The following RTTN variants were observed in gnomAD, a reference collection of about 807,000 sequenced individuals.
RTTN encodes rotatin.
Under a neutral mutation model 269.2 loss-of-function variants are expected in RTTN, and 182 were observed. The ratio of observed to expected loss-of-function variants is 0.68; its 90% CI spans 0.60 to 0.76. The LOEUF (loss-of-function observed/expected upper bound fraction) is 0.76. RTTN is among the 30% of genes least tolerant of loss of function. The pLI, the probability that RTTN is intolerant of heterozygous loss-of-function variation, is 0.00. For synonymous variants in RTTN, 1,006 were observed against 963.5 expected (o/e 1.04, Z -0.82); for missense variants, 2,545 against 2,608.6 (o/e 0.98, Z 0.53).
chr18:70,103,363 T>C lies in RTTN; in HGVS notation c.3903+6135A>G, dbSNP rs1379867107. On this transcript the variant is annotated intron_variant, in intron 28 of 48. Coordinates refer to ENST00000640769, the MANE Select transcript of RTTN (RefSeq NM_173630.4). Reference sequence around the variant, plus strand: ...AAAGAGAGATCAGATTGTTACTGTGTCTGTGTAGAAAGAAGTAGACATAGC... The same window carrying C: ...AAAGAGAGATCAGATTGTTACTGTGCCTGTGTAGAAAGAAGTAGACATAGC... Among the ~76,000 whole-genome samples, 5 of 152,008 alleles carry C rather than the reference T, an allele frequency of 3.3e-5. No homozygotes were observed. The East Asian group carries it at 7.7e-4, about 24-fold the overall frequency.
At chr18:70,088,169 T>C (rs200960422) in intron 30 of RTTN, 22 bp from the exon 31 acceptor site, 450 of 1,585,574 alleles carry the variant, frequency 2.8e-4, no homozygotes, top group Non-Finnish European at 3.7e-4. Context: ...AAAGAGAAAG[T>C]TGTTGAATCA....
chr18:70,054,896 A>G (rs946275051), intron 37 of RTTN, among the ~76,000 whole-genome samples: 1 of 152,178 alleles, frequency 6.6e-6, no homozygotes, highest in Non-Finnish European at 1.5e-5. Flanking sequence ...GGAAAAGTGT[A>G]TAACAAAGCC....
intron 14 of RTTN, among the ~76,000 whole-genome samples, chr18:70,159,070 T>G (rs903545290): frequency 6.6e-6 from 1 of 152,106 alleles, no homozygotes; most frequent in Non-Finnish European, 1.5e-5. Context: ...GGACCTAAAC[T>G]CGACACCTGA....
At chr18:70,089,144 G>A (rs886155078) in intron 30 of RTTN, among the ~76,000 whole-genome samples, 1 of 152,236 alleles carries the variant, frequency 6.6e-6, no homozygotes. Context: ...GCTGTGTACT[G>A]AACTGTGTCT....
chr18:70,099,757 G>A (rs283771), intron 28 of RTTN, among the ~76,000 whole-genome samples: 137,588 of 152,140 alleles, frequency 0.9, 62,977 homozygotes, highest in East Asian at 1. Flanking sequence ...TAATTTTTGT[G>A]TAAGGTGTAA....
At chr18:70,024,154 TCA>T (rs1599146167) in intron 44 of RTTN, among the ~76,000 whole-genome samples, 1 of 152,122 alleles carries the variant, frequency 6.6e-6, no homozygotes, top group Non-Finnish European at 1.5e-5. Context: ...CCTGTTACAC[TCA>T]CATAAAAATC....
chr18:70,053,656 A>G (rs1450397298), intron 38 of RTTN: 1 of 152,248 alleles, frequency 6.6e-6, no homozygotes, highest in Non-Finnish European at 1.5e-5. Context: ...CTTTGCTTTA[A>G]TTTTCTCCAC....
chr18:70,194,760 A>C (rs1239142674), intron 7 of RTTN: 1 of 152,272 alleles, frequency 6.6e-6, no homozygotes, highest in Non-Finnish European at 1.5e-5. Context: ...AATCAGAGAC[A>C]GAAAGTAAAT....
intron 7 of RTTN, among the ~76,000 whole-genome samples, chr18:70,194,918 T>C: frequency 6.6e-6 from 1 of 152,206 alleles, no homozygotes; most frequent in East Asian, 1.9e-4. Flanking sequence ...CTATATTGTA[T>C]ACTTAAAAAT....
chr18:70,046,890 C>G (rs1304519362), intron 40 of RTTN, among the ~76,000 whole-genome samples: 1 of 152,218 alleles, frequency 6.6e-6, no homozygotes, highest in Non-Finnish European at 1.5e-5. Context: ...CCCTGTGACA[C>G]TCTCCACAGG....
intron 14 of RTTN, among the ~76,000 whole-genome samples, chr18:70,158,144 G>A (rs1173817622): frequency 6.6e-6 from 1 of 151,906 alleles, no homozygotes; most frequent in Non-Finnish European, 1.5e-5. Context: ...AAGACACATA[G>A]TCATCAGATT....
intron 23 of RTTN, among the ~76,000 whole-genome samples, chr18:70,132,867 A>G (rs1332822377): frequency 4.6e-5 from 7 of 152,144 alleles, no homozygotes; most frequent in African/African-American, 1.7e-4. Context: ...TGAGTAAAAG[A>G]GTAATAAAAC....
At chr18:70,203,645 A>G (rs142491170) in intron 3 of RTTN, among the ~76,000 whole-genome samples, 1,877 of 152,338 alleles carry the variant, frequency 0.012, 23 homozygotes, top group South Asian at 0.037. Flanking sequence ...ATCATGATGG[A>G]CTGCAGCATA....
At chr18:70,118,409 T>C (rs1599638763) in intron 26 of RTTN, among the ~76,000 whole-genome samples, 1 of 151,996 alleles carries the variant, frequency 6.6e-6, no homozygotes. Flanking sequence ...ACAGAAAATC[T>C]GAACAGACCA....
intron 26 of RTTN, among the ~76,000 whole-genome samples, chr18:70,120,205 T>C (rs1243550109): frequency 9.2e-6 from 1 of 108,654 alleles, no homozygotes; most frequent in African/African-American, 2.7e-5. Flanking sequence ...ACATATACCC[T>C]GCATCACCTC....
Position 70,199,485 on chromosome 18 carries a change from G to C in RTTN, c.507C>G (p.Cys169Trp), listed in dbSNP as rs1263478497. ...GCCAAGGAAATGTAGAAAACTTCAA[G>C]CACTTCACAGTCTGATTTACTGTCA... is the stretch of plus-strand genomic sequence containing the variant. ...PRPVVNQTVK[C>W]LKFSTFPWLP... The change falls in exon 5 of 49, where the codon TGC becomes TGG. Residue 169 changes from cysteine to tryptophan, a missense_variant. Cys to Trp is a radical substitution (Grantham distance 215, BLOSUM62 -2). Coordinates refer to ENST00000640769, the MANE Select transcript of RTTN (RefSeq NM_173630.4). 1 of 1,611,524 alleles carries C rather than the reference G, an allele frequency of 6.2e-7. No homozygotes were observed. The highest frequency in any genetic ancestry group is 8.5e-7 in the Non-Finnish European group (1 of 1,178,072).
At chr18:70,103,718 AT>A (rs1219477657) in intron 28 of RTTN, among the ~76,000 whole-genome samples, 2 of 144,022 alleles carry the variant, frequency 1.4e-5, no homozygotes, top group African/African-American at 5.2e-5. Context: ...ACCCTGCCAC[AT>A]CCCCCTCTCC....
intron 43 of RTTN, among the ~76,000 whole-genome samples, chr18:70,027,296 A>G (rs900007396): frequency 6.6e-6 from 1 of 152,186 alleles, no homozygotes; most frequent in Non-Finnish European, 1.5e-5. Context: ...ACTATTAATA[A>G]TGAGAACATG....
chr18:70,116,223 T>C (rs1047932803), intron 26 of RTTN, among the ~76,000 whole-genome samples: 7 of 152,030 alleles, frequency 4.6e-5, no homozygotes, highest in Non-Finnish European at 7.4e-5. Context: ...AAACTGTTTA[T>C]ACCAAGACGC....
Sources: allele counts gnomAD v4.1 joint callset (sites outside exome capture counted in the v4.1 genomes callset), GRCh38; gene constraint gnomAD v4.1.1; transcripts MANE v1.5; gene names NCBI Gene and HGNC (gene_info 2026-07-23, HGNC 2026-07-21).